The following COL4A2 variants were observed in gnomAD, a reference collection of about 807,000 sequenced individuals.
COL4A2 encodes collagen alpha-2(IV) chain.
COL4A2 carries 99 observed loss-of-function variants against 200.2 expected under a neutral mutation model. The ratio of observed to expected loss-of-function variants is 0.49; its 90% CI spans 0.42 to 0.58. The LOEUF (loss-of-function observed/expected upper bound fraction) is 0.58. Among genes scored for constraint, COL4A2 ranks in the 20% least tolerant of loss-of-function variants. The pLI, the probability that COL4A2 is intolerant of heterozygous loss-of-function variation, is 0.00. For missense variants in COL4A2, 1,950 were observed against 2,314.1 expected (o/e 0.84, Z 3.23); for synonymous variants, 897 against 900.6 (o/e 1.00, Z 0.07).
intron 29 of COL4A2, among the ~76,000 whole-genome samples, chr13:110,473,969 A>T (rs996658166): frequency 1.3e-5 from 2 of 151,632 alleles, no homozygotes; most frequent in Admixed American, 6.6e-5. Context: ...TACAAAAAAA[A>T]AATAATAATT....
intron 3 of COL4A2, among the ~76,000 whole-genome samples, chr13:110,335,998 CTG>C (rs1462397786): frequency 6.6e-6 from 1 of 152,236 alleles, no homozygotes; most frequent in Non-Finnish European, 1.5e-5. Flanking sequence ...ATCCAGTCTC[CTG>C]TGGATGGCCA....
In COL4A2 at chr13:110,346,440, C is replaced by T. The variant is rs188417379; in HGVS notation, c.100-11032C>T. On this transcript the variant is annotated intron_variant, in intron 3 of 47. Coordinates refer to ENST00000360467, the MANE Select transcript of COL4A2 (RefSeq NM_001846.4). ...ATGGCAGGAGTGATGGAACAGATTT[C>T]AGGAAGTAACTTTGAGTGAGAGAAG... Among the ~76,000 whole-genome samples, 209 of 152,300 alleles carry T rather than the reference C, an allele frequency of 1.4e-3. 1 individual carries two copies. The highest frequency in any genetic ancestry group is 4.9e-3 in the African/African-American group (203 of 41,560).
At chr13:110,450,261 G>T in intron 19 of COL4A2, 44 bp from the exon 20 acceptor site, 1 of 1,579,642 alleles carries the variant, frequency 6.3e-7, no homozygotes. Context: ...GCAGCGGTGT[G>T]GTATGGGAGA....
intron 16 of COL4A2, among the ~76,000 whole-genome samples, chr13:110,445,049 C>T (rs1594217583): frequency 6.6e-6 from 1 of 152,276 alleles, no homozygotes; most frequent in South Asian, 2.1e-4. Context: ...CAGGGTTTCA[C>T]TATGTTTCCC....
intron 16 of COL4A2, 70 bp downstream of exon 16, chr13:110,439,903 C>T: frequency 6.5e-7 from 1 of 1,547,776 alleles, no homozygotes; most frequent in Non-Finnish European, 8.7e-7. Context: ...ATAAATAGGC[C>T]TTGGCATCTC....
chr13:110,446,655 C>A, intron 17 of COL4A2, 143 bp from the exon 18 acceptor site: 2 of 645,588 alleles, frequency 3.1e-6, no homozygotes, highest in Non-Finnish European at 5.4e-6. Context: ...CTGCCCCAGG[C>A]ACTGTCTGTG....
At chr13:110,464,632 G>C (rs894450149) in intron 24 of COL4A2, among the ~76,000 whole-genome samples, 2 of 152,346 alleles carry the variant, frequency 1.3e-5, no homozygotes, top group East Asian at 3.9e-4. Context: ...CAAGGAAGGG[G>C]CTGTGGTGTC....
intron 4 of COL4A2, among the ~76,000 whole-genome samples, chr13:110,370,205 A>C (rs1284721781): frequency 3.8e-5 from 3 of 78,680 alleles, no homozygotes; most frequent in African/African-American, 1.9e-4. Context: ...ATTTCTACCA[A>C]AAAAAAGAAA....
chr13:110,445,711 T>A, intron 16 of COL4A2, 118 bp from the exon 17 acceptor site: 1 of 1,322,960 alleles, frequency 7.6e-7, no homozygotes, highest in African/African-American at 1.4e-5. Context: ...ACAGACTGGG[T>A]TAATACATGA....
intron 4 of COL4A2, among the ~76,000 whole-genome samples, chr13:110,401,886 AG>A (rs1339284865): frequency 6.6e-6 from 1 of 152,212 alleles, no homozygotes; most frequent in African/African-American, 2.4e-5. Flanking sequence ...GTCCTCACGC[AG>A]CAGAAAGGAC....
chr13:110,439,031 A>T (rs894888341), intron 15 of COL4A2, among the ~76,000 whole-genome samples: 1 of 152,160 alleles, frequency 6.6e-6, no homozygotes, highest in African/African-American at 2.4e-5. Flanking sequence ...TATCTCAAAC[A>T]CACATTGATT....
chr13:110,480,978 A>T (rs202079429), intron 31 of COL4A2, among the ~76,000 whole-genome samples: 6,183 of 67,932 alleles, frequency 0.091, 264 homozygotes, highest in Non-Finnish European at 0.1. Context: ...GGAGACACAC[A>T]GTTCTGTCCT....
At chr13:110,374,636 C>T (rs551774621) in intron 4 of COL4A2, among the ~76,000 whole-genome samples, 40 of 152,268 alleles carry the variant, frequency 2.6e-4, no homozygotes, top group Admixed American at 2.6e-3. Flanking sequence ...TTTTGCTTTC[C>T]TCTTTGCTCA....
chr13:110,473,133 G>C lies in COL4A2; in HGVS notation c.2408G>C (p.Gly803Ala). ...PGLKGLPGDR[G>A]PPGFRGSQGM... ...CTTAAAGGCCTTCCCGGAGACAGAG[G>C]CCCCCCTGGATTCAGAGGTGAGTGC... The change falls in exon 29 of 48, where the codon GGC becomes GCC. Residue 803 changes from glycine (G) to alanine (A), a missense_variant. Coordinates refer to ENST00000360467, the MANE Select transcript of COL4A2 (RefSeq NM_001846.4). The C allele has an allele frequency of 6.4e-7, 1 of 1,557,304 alleles. No homozygotes were observed. Among genetic ancestry groups the C allele is most frequent in the Non-Finnish European group, 8.7e-7 (1 of 1,150,886 alleles).
In COL4A2 at chr13:110,408,334, G is replaced by GAGCT. The variant is rs544420586; in HGVS notation, c.181-16400_181-16399insAGCT. Among the ~76,000 whole-genome samples, 31 of 152,338 alleles carry GAGCT rather than the reference G, an allele frequency of 2.0e-4. No homozygotes were observed. The South Asian group carries it at 6.4e-3, about 32-fold the overall frequency. ...AAACCAGCTCACCATGGTTCAAGGT[G>GAGCT]TGAATGGGGGACAGGAAGTGGCTTT... On this transcript the variant is annotated intron_variant, in intron 4 of 47. Transcript: ENST00000360467.
At chr13:110,314,055 C>A (rs1885068240) in intron 3 of COL4A2, among the ~76,000 whole-genome samples, 1 of 152,226 alleles carries the variant, frequency 6.6e-6, no homozygotes, top group African/African-American at 2.4e-5. Context: ...GACAGAAAAG[C>A]TGCACTAGTG....
At chr13:110,493,566 CA>C (rs1883357254) in intron 39 of COL4A2, among the ~76,000 whole-genome samples, 1 of 152,166 alleles carries the variant, frequency 6.6e-6, no homozygotes, top group Non-Finnish European at 1.5e-5. Flanking sequence ...GCTTTTTCAG[CA>C]GCACCGTTGG....
chr13:110,396,003 TA>T (rs1879168957), intron 4 of COL4A2, among the ~76,000 whole-genome samples: 1 of 152,200 alleles, frequency 6.6e-6, no homozygotes, highest in Admixed American at 6.5e-5. Flanking sequence ...ACATAAAAAG[TA>T]ACGAGTCAAA....
intron 4 of COL4A2, among the ~76,000 whole-genome samples, chr13:110,374,031 G>A (rs1208570800): frequency 1.3e-5 from 2 of 152,216 alleles, no homozygotes; most frequent in African/African-American, 4.8e-5. Flanking sequence ...CTGAACTGAA[G>A]TTTTATTAAT....
Sources: gnomAD v4.1 joint callset for allele counts (sites outside exome capture counted in the v4.1 genomes callset) on GRCh38, gnomAD v4.1.1 for gene constraint, MANE v1.5 for transcripts, NCBI Gene and HGNC (gene_info 2026-07-23, HGNC 2026-07-21) for gene names.